The following OPRM1 variants were observed in gnomAD, a reference collection of about 807,000 sequenced individuals.
OPRM1 encodes opioid receptor mu 1, also known as mu-type opioid receptor.
OPRM1 carries 27 observed loss-of-function variants against 31.8 expected under a neutral mutation model. The observed-to-expected ratio is 0.85, with a 90% confidence interval of 0.63 to 1.17. OPRM1 has a LOEUF of 1.17. Among genes scored for constraint, OPRM1 ranks in the 50% most tolerant of loss-of-function variants. The pLI, the probability that OPRM1 is intolerant of heterozygous loss-of-function variation, is 0.00. For missense variants in OPRM1, 536 were observed against 511.1 expected, an observed-to-expected ratio of 1.05 and a Z score of -0.47; for synonymous variants, 196 against 189.9, an observed-to-expected ratio of 1.03 and a Z score of -0.26.
chr6:154,100,570 A>T (rs1246879145), intron 3 of OPRM1, among the ~76,000 whole-genome samples: 2 of 151,824 alleles, frequency 1.3e-5, no homozygotes, highest in Admixed American at 6.6e-5. Context: ...TAGGCTGAAA[A>T]TTTCATCACA....
At chr6:154,086,782 G>A (rs543305101) in intron 1 of OPRM1, 96 of 985,392 alleles carry the variant, frequency 9.7e-5, no homozygotes, top group Middle Eastern at 5.2e-4. Context: ...GGGTAGGAAA[G>A]TGGCAAATGC....
chr6:154,026,502 C>T (rs1185371882), intron 1 of OPRM1, among the ~76,000 whole-genome samples: 1 of 152,100 alleles, frequency 6.6e-6, no homozygotes, highest in African/African-American at 2.4e-5. Context: ...AGTTCTCTGT[C>T]ATTATCCCTT....
intron 3 of OPRM1, among the ~76,000 whole-genome samples, chr6:154,145,124 C>T (rs960196310): frequency 1.3e-5 from 2 of 152,018 alleles, no homozygotes. Flanking sequence ...AAGAAAATGC[C>T]AGAAGTTCTA....
intron 3 of OPRM1, among the ~76,000 whole-genome samples, chr6:154,145,115 A>G (rs1035856200): frequency 5.3e-5 from 8 of 152,342 alleles, no homozygotes; most frequent in Non-Finnish European, 8.8e-5. Context: ...CTCTTATTCA[A>G]GAAAATGCCA....
At chr6:154,193,910 A>G (rs576031882) in intron 3 of OPRM1, among the ~76,000 whole-genome samples, 112 of 152,360 alleles carry the variant, frequency 7.4e-4, no homozygotes, top group Middle Eastern at 3.4e-3. Flanking sequence ...ATAAAACACA[A>G]TTCTAGTAGC....
intron 3 of OPRM1, among the ~76,000 whole-genome samples, chr6:154,245,987 G>A (rs1781003949): frequency 6.6e-6 from 1 of 152,184 alleles, no homozygotes; most frequent in African/African-American, 2.4e-5. Flanking sequence ...CTTTTCAAAT[G>A]TTGTCTAAGC....
chr6:154,225,686 C>T (rs913528733), intron 3 of OPRM1, among the ~76,000 whole-genome samples: 4 of 152,154 alleles, frequency 2.6e-5, no homozygotes, highest in Non-Finnish European at 5.9e-5. Flanking sequence ...GGTTGCACAA[C>T]ATTGTGAATG....
intron 3 of OPRM1, chr6:154,107,949 G>T (rs1469756331): frequency 6.4e-6 from 3 of 465,446 alleles, no homozygotes; most frequent in African/African-American, 5.8e-5. Context: ...GATAAACACT[G>T]ATTTTTTTAT....
chr6:154,098,022 G>T (rs1793708972), intron 3 of OPRM1, among the ~76,000 whole-genome samples: 2 of 152,130 alleles, frequency 1.3e-5, no homozygotes, highest in African/African-American at 2.4e-5. Flanking sequence ...TTGAGGCCAG[G>T]TGTTCGAGAC....
In OPRM1 at chr6:154,152,347, G is replaced by GAAAGAAAGAAAGAA; in HGVS notation, c.1164+60875_1164+60876insAAAGAAAGAAAGAA. 4.6e-5 allele frequency among the ~76,000 whole-genome samples: 3 copies of GAAAGAAAGAAAGAA among 65,202 alleles called. No homozygotes were observed. The South Asian group carries it at 1.9e-3, about 41-fold the overall frequency. The allele number at this position is 65,202 out of a possible 152,430, so 42.8% of individuals were successfully genotyped here. On this transcript the variant is annotated intron_variant, in intron 3 of 3. Coordinates refer to the OPRM1 transcript ENST00000337049. ...AGAAAGAAAGAAAGAAAGAAAGAAA[G>GAAAGAAAGAAAGAA]GAAAGAAAGAAAGAAAGAAAGAAAG...
intron 3 of OPRM1, among the ~76,000 whole-genome samples, chr6:154,242,792 G>A (rs534231709): frequency 6.6e-6 from 1 of 152,234 alleles, no homozygotes; most frequent in South Asian, 2.1e-4. Flanking sequence ...GGAGGCTGAG[G>A]CATGAGAATC....
chr6:154,015,221 G>C (rs533230674), intron 1 of OPRM1, among the ~76,000 whole-genome samples: 10 of 152,162 alleles, frequency 6.6e-5, no homozygotes, highest in East Asian at 3.9e-4. Context: ...CATATGGAGA[G>C]AGTGGCCAGT....
chr6:154,057,757 T>C (rs759671240), intron 1 of OPRM1, among the ~76,000 whole-genome samples: 68 of 152,298 alleles, frequency 4.5e-4, no homozygotes, highest in Admixed American at 7.2e-4. Context: ...GAAGAAAATC[T>C]CAGGAGTCAT....
intron 3 of OPRM1, among the ~76,000 whole-genome samples, chr6:154,214,770 G>C (rs1448666445): frequency 6.6e-6 from 1 of 152,128 alleles, no homozygotes; most frequent in East Asian, 1.9e-4. Flanking sequence ...AATTTAACAG[G>C]TATTTTTAAA....
intron 1 of OPRM1, among the ~76,000 whole-genome samples, chr6:154,074,714 T>C (rs528151234): frequency 6.6e-6 from 1 of 150,900 alleles, no homozygotes; most frequent in East Asian, 2.0e-4. Flanking sequence ...TGAGCTGAGA[T>C]CATACCAGTG....
At chr6:154,037,749 CCTTTTTTAAG>C (rs971361369), upstream of OPRM1, among the ~76,000 whole-genome samples, 1 of 152,084 alleles carries the variant, frequency 6.6e-6, no homozygotes, top group Non-Finnish European at 1.5e-5. Context: ...CCTACCCTCG[CCTTTTTTAAG>C]TAATGAGAAG....
upstream of OPRM1, among the ~76,000 whole-genome samples, chr6:154,037,304 G>A (rs1443537034): frequency 6.6e-6 from 1 of 150,582 alleles, no homozygotes; most frequent in African/African-American, 2.4e-5. Context: ...AGGAAATTTT[G>A]TCATTGGTAA....
intron 1 of OPRM1, among the ~76,000 whole-genome samples, chr6:154,031,797 GA>G (rs1013431720): frequency 2.0e-5 from 3 of 151,756 alleles, no homozygotes; most frequent in Non-Finnish European, 4.4e-5. Context: ...TGTGCTAGAG[GA>G]AAAAAAATGA....
At chr6:154,112,427 C>T (rs1489241287) in intron 3 of OPRM1, among the ~76,000 whole-genome samples, 1 of 152,184 alleles carries the variant, frequency 6.6e-6, no homozygotes, top group East Asian at 1.9e-4. Flanking sequence ...TGTGATGTGA[C>T]ACCATGAACC....
Sources: allele counts gnomAD v4.1 joint callset (sites outside exome capture counted in the v4.1 genomes callset), GRCh38; gene constraint gnomAD v4.1.1; transcripts MANE v1.5; gene names NCBI Gene and HGNC (gene_info 2026-07-23, HGNC 2026-07-21).